The following SMG6 variants were observed in gnomAD, a reference collection of about 807,000 sequenced individuals.
SMG6 encodes SMG6 nonsense mediated mRNA decay factor.
In SMG6, 66 loss-of-function variants were observed where a neutral mutation model predicts 142.2. That is an observed-to-expected ratio of 0.46 (90% CI 0.38 to 0.57). The LOEUF (loss-of-function observed/expected upper bound fraction) is 0.57. SMG6 is among the 20% of genes least tolerant of loss of function. The probability of loss-of-function intolerance (pLI) is 0.00; values close to 1 mark genes in which losing one functional copy is unlikely to be tolerated. For synonymous variants in SMG6, 779 were observed against 702.4 expected (o/e 1.11, Z -1.72); for missense variants, 1,793 against 1,832.0 (o/e 0.98, Z 0.39).
chr17:2,185,862 C>T (rs1170675143), intron 12 of SMG6, among the ~76,000 whole-genome samples: 1 of 152,088 alleles, frequency 6.6e-6, no homozygotes, highest in Non-Finnish European at 1.5e-5. Flanking sequence ...TGCATTCAGC[C>T]TCCCCACACG....
In SMG6 at chr17:2,088,442, G is replaced by A. The variant is rs998241528; in HGVS notation, c.3358-2541C>T. On this transcript the variant is annotated intron_variant, in intron 13 of 18. Coordinates refer to ENST00000263073, the MANE Select transcript of SMG6 (RefSeq NM_017575.5). ...TAGCCCTCTCCCAGTTTTCATTTCC[G>A]CCCCATTTAGAAGGAAATTGGTTTC... 103 of 985,350 alleles carry A rather than the reference G, an allele frequency of 1.0e-4. No homozygotes were observed. The African/African-American group carries it at 1.5e-3, about 14-fold the overall frequency. 61.0% of individuals were successfully genotyped at this position (985,350 alleles called of 1,614,324 possible).
Position 2,061,238 on chromosome 17 carries a change from G to C in SMG6, c.*254C>G. The C allele has an allele frequency of 2.3e-6, 1 of 434,712 alleles. No homozygotes were observed. Among genetic ancestry groups the C allele is most frequent in the Non-Finnish European group, 4.3e-6 (1 of 234,728 alleles). 26.9% of individuals were successfully genotyped at this position (434,712 alleles called of 1,614,324 possible). A position where few individuals can be genotyped will look rare whatever the true frequency, so the allele number is the denominator to read the frequency against. Reference sequence around the variant, plus strand: ...GGCCTATCTGGCTTGCCCAGCTGCTGTTGCTGTAGCCAGCCACCTCCCTGC... The same window carrying C: ...GGCCTATCTGGCTTGCCCAGCTGCTCTTGCTGTAGCCAGCCACCTCCCTGC... On this transcript the variant is annotated 3_prime_UTR_variant, in exon 19 of 19. Coordinates refer to ENST00000263073, the MANE Select transcript of SMG6 (RefSeq NM_017575.5).
chr17:2,181,286 A>G (rs1020830033), intron 12 of SMG6, among the ~76,000 whole-genome samples: 1 of 151,990 alleles, frequency 6.6e-6, no homozygotes, highest in African/African-American at 2.4e-5. Flanking sequence ...TGATCTGAAG[A>G]CTCTGAGGTG....
intron 1 of SMG6, chr17:2,303,277 T>G: frequency 1.9e-6 from 2 of 1,066,824 alleles, no homozygotes; most frequent in East Asian, 6.0e-5. Flanking sequence ...TGGAGAGCGA[T>G]ACGCCCGGGG....
intron 8 of SMG6, among the ~76,000 whole-genome samples, chr17:2,277,152 TA>T (rs1567740139): frequency 0.012 from 900 of 77,964 alleles, 19 homozygotes; most frequent in African/African-American, 0.048. Context: ...TTTATTTATT[TA>T]TTTATTTATT....
chr17:2,070,665 C>T (rs1001455695), intron 15 of SMG6, among the ~76,000 whole-genome samples: 2 of 152,222 alleles, frequency 1.3e-5, no homozygotes, highest in Non-Finnish European at 2.9e-5. Context: ...GTTGCTGCCA[C>T]TGCCACCACA....
At chr17:2,119,779 A>G (rs544186283) in intron 13 of SMG6, among the ~76,000 whole-genome samples, 21 of 152,250 alleles carry the variant, frequency 1.4e-4, no homozygotes, top group African/African-American at 5.1e-4. Flanking sequence ...CTCCTGCCTC[A>G]GCCTCCCAAG....
intron 10 of SMG6, chr17:2,235,882 A>AC (rs900466931): frequency 8.6e-5 from 13 of 151,646 alleles, no homozygotes; most frequent in African/African-American, 2.2e-4. Flanking sequence ...CACCCACCCG[A>AC]CCCCCTATGA....
chr17:2,159,811 A>G (rs998480729), intron 13 of SMG6, among the ~76,000 whole-genome samples: 26 of 152,242 alleles, frequency 1.7e-4, no homozygotes, highest in Admixed American at 1.6e-3. Context: ...TGATATATCC[A>G]TACAATGGAA....
At chr17:2,137,105 T>G (rs1319991742) in intron 13 of SMG6, among the ~76,000 whole-genome samples, 4 of 152,132 alleles carry the variant, frequency 2.6e-5, no homozygotes, top group African/African-American at 9.7e-5. Context: ...AGGTGGAGGT[T>G]GCAGTGAGCG....
intron 13 of SMG6, among the ~76,000 whole-genome samples, chr17:2,145,643 C>CGAAAA (rs2070644483): frequency 4.2e-5 from 1 of 23,776 alleles, no homozygotes; most frequent in African/African-American, 1.6e-4. Context: ...TCCATCTCCC[C>CGAAAA]AAAAAAAAAA....
rs2068001921 is a variant in SMG6 at position 2,068,142 on chromosome 17, C to G, written c.3835+636G>C. 1.3e-5 allele frequency among the ~76,000 whole-genome samples: 2 copies of G among 152,162 alleles called. No individual in the cohort carries two copies. The highest frequency in any genetic ancestry group is 4.8e-5 in the African/African-American group (2 of 41,434). ...GTGGAGACGGCCCAGCTGGGCCTCT[C>G]TGGCTAGAGGGTGGGAAAGCAAGCT... On this transcript the variant is annotated intron_variant, in intron 16 of 18. Transcript: ENST00000263073. The surrounding 1 kb of genome is among the most constrained non-coding windows in gnomAD (Gnocchi z 6.7).
chr17:2,249,560 G>T (rs766293543), intron 8 of SMG6, among the ~76,000 whole-genome samples: 2 of 152,110 alleles, frequency 1.3e-5, no homozygotes, highest in Non-Finnish European at 1.5e-5. Flanking sequence ...CTGGCTTCAA[G>T]CAATCCTCCA....
At chr17:2,125,050 CTCT>C (rs752861149) in intron 13 of SMG6, among the ~76,000 whole-genome samples, 42 of 152,022 alleles carry the variant, frequency 2.8e-4, no homozygotes, top group Non-Finnish European at 5.1e-4. Flanking sequence ...GCACTATGGT[CTCT>C]TCTTCTATGG....
chr17:2,154,430 G>A (rs1291722344), intron 13 of SMG6, among the ~76,000 whole-genome samples: 1 of 152,160 alleles, frequency 6.6e-6, no homozygotes, highest in African/African-American at 2.4e-5. Context: ...CTATAAAACA[G>A]ACAAAGATTT....
At chr17:2,289,436 A>G (rs925473643) in intron 6 of SMG6, among the ~76,000 whole-genome samples, 4 of 152,000 alleles carry the variant, frequency 2.6e-5, no homozygotes, top group African/African-American at 4.8e-5. Context: ...GAGTGCCTGT[A>G]GTCCCAGCTA....
In SMG6 at chr17:2,088,474, G is replaced by A. The variant is rs914660998; in HGVS notation, c.3358-2573C>T. 6 of 985,284 alleles carry A rather than the reference G, an allele frequency of 6.1e-6. No individual in the cohort carries two copies. The African/African-American group carries it at 1.0e-4, about 17-fold the overall frequency. 61.0% of individuals were successfully genotyped at this position (985,284 alleles called of 1,614,324 possible). On this transcript the variant is annotated intron_variant, in intron 13 of 18. Coordinates refer to ENST00000263073, the MANE Select transcript of SMG6 (RefSeq NM_017575.5). ...TTAGAAGGAAATTGGTTTCCTTGGG[G>A]ATTGTGTCTGTCATAGCTATTAGTT...
chr17:2,190,087 G>A (rs1158141013), intron 10 of SMG6, among the ~76,000 whole-genome samples: 2 of 152,190 alleles, frequency 1.3e-5, no homozygotes, highest in African/African-American at 4.8e-5. Context: ...AGGAAAGGGG[G>A]AGATATGTAA....
intron 10 of SMG6, chr17:2,233,384 C>T (rs1034921953): frequency 2.6e-5 from 4 of 152,372 alleles, no homozygotes; most frequent in African/African-American, 9.6e-5. Context: ...CTTGCAGTGA[C>T]TGCCAATTCA....
Sources: allele counts gnomAD v4.1 joint callset (sites outside exome capture counted in the v4.1 genomes callset), GRCh38; gene constraint gnomAD v4.1.1; non-coding constraint Gnocchi (gnomAD v3.1); transcripts MANE v1.5; gene names NCBI Gene and HGNC (gene_info 2026-07-23, HGNC 2026-07-21).